AGO4: variants seen among roughly 807,000 people sequenced by gnomAD.
AGO4 encodes the protein argonaute RISC component 4.
Under a neutral mutation model 104.7 loss-of-function variants are expected in AGO4, and 33 were observed. The observed-to-expected ratio is 0.32, with a 90% CI of 0.24 to 0.42. The LOEUF (loss-of-function observed/expected upper bound fraction) is 0.42. Among genes scored for constraint, AGO4 ranks in the 10% least tolerant of loss-of-function variants. AGO4 has a pLI of 1.00. For missense variants in AGO4, 711 were observed against 1,083.4 expected, an observed-to-expected ratio of 0.66 and a Z score of 4.83; for synonymous variants, 331 against 364.7, an observed-to-expected ratio of 0.91 and a Z score of 1.05.
chr1:35,849,512 G>A (rs1304360424), intron 15 of AGO4, among the ~76,000 whole-genome samples: 5 of 134,280 alleles, frequency 3.7e-5, no homozygotes, highest in Admixed American at 7.6e-5. Context: ...ATTAGACCCC[G>A]TGTCTCAAAA....
At position 35,835,911 on chromosome 1, in the gene AGO4, T is replaced by C; in HGVS notation, c.1642T>C (p.Ser548Pro). 1 of 1,614,046 alleles carries C rather than the reference T, an allele frequency of 6.2e-7. No homozygotes were observed. The highest frequency in any genetic ancestry group is 8.5e-7 in the Non-Finnish European group (1 of 1,179,976). The part of the protein sequence containing the change: ...CVQVKNVVKT[S>P]PQTLSNLCLK... ...CCAGGTAAAAAATGTAGTGAAGACC[T>C]CACCTCAAACCCTTTCCAATCTTTG... Residue 548 changes from serine (S) to proline (P), a missense_variant, in exon 13 of 18, where the codon TCA becomes CCA. Transcript: ENST00000373210.
chr1:35,832,180 G>C lies in AGO4; in HGVS notation c.1240G>C (p.Gly414Arg). The C allele has an allele frequency of 6.2e-7, 1 of 1,611,540 alleles. No individual in the cohort carries two copies. Among genetic ancestry groups the C allele is most frequent in the Non-Finnish European group, 8.5e-7 (1 of 1,179,362 alleles). The change falls in exon 10 of 18, where the codon GGC becomes CGC. Residue 414 changes from glycine to arginine, a missense_variant. Transcript: ENST00000373210. The stretch of plus-strand genomic sequence containing the variant: ...TCCAGCACCAATGCTGCAATATGGA[G>C]GCCGGGTAAGCTTTTTATTTTATTC... ...VLPAPMLQYG[G>R]RNKTVATPNQ...
chr1:35,808,848 G>A lies in AGO4; in HGVS notation c.19+413G>A, dbSNP rs957279538. On this transcript the variant is annotated intron_variant, in intron 1 of 17. Transcript: ENST00000373210. This position sits in a 1 kb window ranked among gnomAD's most constrained non-coding sequence, Gnocchi z 5.2. ...TGCCTACTACCAGCCGGTAGTCCTG[G>A]TTTGGGGCCGCGCCCCTATTTTTCT... Among the ~76,000 whole-genome samples, 2 of 152,238 alleles carry A rather than the reference G, an allele frequency of 1.3e-5. No individual in the cohort carries two copies. Among genetic ancestry groups the A allele is most frequent in the Non-Finnish European group, 2.9e-5 (2 of 68,048 alleles).
intron 13 of AGO4, among the ~76,000 whole-genome samples, chr1:35,838,671 A>G (rs528961436): frequency 6.6e-6 from 1 of 152,314 alleles, no homozygotes; most frequent in African/African-American, 2.4e-5. Context: ...TATGATAGAC[A>G]AAGTGCTGGC....
intron 12 of AGO4, 65 bp downstream of exon 12, chr1:35,834,239 G>C: frequency 7.6e-7 from 1 of 1,309,408 alleles, no homozygotes; most frequent in Non-Finnish European, 1.0e-6. Context: ...GTCAGGATAA[G>C]CTAGGTTATG....
At chr1:35,833,688 A>C (rs1047211349) in intron 11 of AGO4, among the ~76,000 whole-genome samples, 1 of 152,202 alleles carries the variant, frequency 6.6e-6, no homozygotes, top group Non-Finnish European at 1.5e-5. Context: ...AATGTTTAAA[A>C]GATCTTTGAA....
Position 35,831,449 on chromosome 1 carries a change from G to C in AGO4, c.871G>C (p.Gly291Arg). 6.2e-7 allele frequency: 1 copy of C among 1,608,876 alleles called. No individual in the cohort carries two copies. The change falls in exon 8 of 18, where the codon GGT (glycine) becomes CGT (arginine). Residue 291 changes from glycine (G) to arginine (R), a missense_variant. Gly to Arg is a moderately radical substitution (Grantham distance 125). Around this residue, in one of 3 missense-constraint regions of AGO4, gnomAD observed 308 missense variants for 397.8 expected, o/e 0.77. Transcript: ENST00000373210. ...HQTFPLQLENGQAMECTVAQY... is the reference protein window; with the variant it reads ...HQTFPLQLENRQAMECTVAQY... ...TAGTTTTCCTTTGCAGCTAGAAAAC[G>C]GTCAAGCTATGGAATGTACAGTAGC...
intron 1 of AGO4, among the ~76,000 whole-genome samples, chr1:35,813,394 G>A (rs2148648114): frequency 6.6e-6 from 1 of 150,586 alleles, no homozygotes; most frequent in East Asian, 2.0e-4. Flanking sequence ...GGGTGACAGA[G>A]CGAGACTCCA....
intron 15 of AGO4, among the ~76,000 whole-genome samples, chr1:35,847,138 C>T (rs1644590457): frequency 1.3e-5 from 2 of 151,774 alleles, no homozygotes; most frequent in South Asian, 4.2e-4. Context: ...TTTTCTTGGG[C>T]CACACATAAA....
intron 13 of AGO4, 76 bp downstream of exon 13, chr1:35,836,069 A>G: frequency 6.8e-7 from 1 of 1,460,122 alleles, no homozygotes; most frequent in Non-Finnish European, 9.3e-7. Flanking sequence ...CACAAATATT[A>G]TATATGCATC....
chr1:35,837,502 C>G (rs1259161217), intron 13 of AGO4, among the ~76,000 whole-genome samples: 1 of 152,102 alleles, frequency 6.6e-6, no homozygotes, highest in Non-Finnish European at 1.5e-5. Flanking sequence ...ACCTCAGCCT[C>G]CCAAGTAGCT....
intron 15 of AGO4, among the ~76,000 whole-genome samples, chr1:35,849,686 CAA>C (rs58930702): frequency 8.5e-4 from 63 of 73,994 alleles, no homozygotes; most frequent in Admixed American, 1.8e-3. Flanking sequence ...GACGCTGTCT[CAA>C]AAAAAAAAAA....
At chr1:35,832,898 A>C (rs891272878) in intron 11 of AGO4, among the ~76,000 whole-genome samples, 3 of 152,158 alleles carry the variant, frequency 2.0e-5, no homozygotes, top group Non-Finnish European at 4.4e-5. Context: ...GCTTACTTTT[A>C]ATCGTTATAA....
In AGO4 at chr1:35,832,122, C is replaced by T. The variant is rs779685699; in HGVS notation, c.1182C>T (p.His394=). Residue 394 remains histidine (H), a synonymous_variant, in exon 10 of 18, where the codon CAC becomes CAT. Transcript: ENST00000373210. ...PYLKEFGIVV[H]NEMTELTGRV... ...TTAAAGAATTTGGTATTGTTGTCCA[C>T]AATGAAATGACAGAGCTCACAGGCA... The T allele has an allele frequency of 3.7e-6, 6 of 1,614,148 alleles. No homozygotes were observed. In the South Asian group the frequency reaches 6.6e-5, roughly 18 times the overall value.
At chr1:35,843,374 TTC>T (rs1644495326) in intron 15 of AGO4, among the ~76,000 whole-genome samples, 1 of 152,122 alleles carries the variant, frequency 6.6e-6, no homozygotes, top group Non-Finnish European at 1.5e-5. Flanking sequence ...CCTGAACTGT[TTC>T]TTTTTGTTTT....
At chr1:35,819,124 A>G (rs1009393441) in intron 2 of AGO4, among the ~76,000 whole-genome samples, 1 of 152,214 alleles carries the variant, frequency 6.6e-6, no homozygotes, top group African/African-American at 2.4e-5. Flanking sequence ...TGGATTGAAC[A>G]TGTGGTGTGA....
chr1:35,854,200 G>T lies in AGO4; in HGVS notation c.*595G>T, dbSNP rs1644770408. ...TTATTGATCTCTGCAGACTTGTGCT[G>T]GTGCAAGTACATGCTGACAGGCAAT... On this transcript the variant is annotated 3_prime_UTR_variant, in exon 18 of 18. Transcript: ENST00000373210. 1 of 152,558 alleles carries T rather than the reference G, an allele frequency of 6.6e-6. No homozygotes were observed. The highest frequency in any genetic ancestry group is 1.5e-5 in the Non-Finnish European group (1 of 68,036). The allele number at this position is 152,558 out of a possible 1,614,324, so 9.5% of individuals were successfully genotyped here.
rs534346855 is a variant in AGO4 at position 35,818,151 on chromosome 1, A to T, written c.185+1104A>T. Among the ~76,000 whole-genome samples the T allele has an allele frequency of 6.6e-5, 10 of 152,346 alleles. No homozygotes were observed. The East Asian group carries it at 1.7e-3, about 26-fold the overall frequency. Reference sequence around the variant, plus strand: ...GAGCACTGAGATTTATATATGAATGAATATATATGTTTATATATACATATA... The same window carrying T: ...GAGCACTGAGATTTATATATGAATGTATATATATGTTTATATATACATATA... On this transcript the variant is annotated intron_variant, in intron 2 of 17. Transcript: ENST00000373210.
chr1:35,816,957 C>T lies in AGO4; in HGVS notation c.95C>T (p.Ala32Val). 2 of 1,613,980 alleles carry T rather than the reference C, an allele frequency of 1.2e-6. No individual in the cohort carries two copies. Among genetic ancestry groups the T allele is most frequent in the Non-Finnish European group, 8.5e-7 (1 of 1,179,950 alleles). ...GTVGKPIRLL[A>V]NHFQVQIPKI... ...GTTGGAAAACCAATTCGACTGTTAG[C>T]CAATCATTTTCAGGTTCAGATTCCT... is the stretch of plus-strand genomic sequence containing the variant. The change falls in exon 2 of 18, where the codon GCC becomes GTC. Residue 32 changes from alanine to valine, a missense_variant. This residue lies in a region of AGO4 where 308 missense variants were observed against 397.8 expected (regional missense o/e 0.77). Coordinates refer to ENST00000373210, the MANE Select transcript of AGO4 (RefSeq NM_017629.4).
Sources: allele counts gnomAD v4.1 joint callset (sites outside exome capture counted in the v4.1 genomes callset), GRCh38; gene constraint gnomAD v4.1.1; regional missense constraint gnomAD v4.1.1; non-coding constraint Gnocchi (gnomAD v3.1); transcripts MANE v1.5; gene names NCBI Gene and HGNC (gene_info 2026-07-23, HGNC 2026-07-21).